The following ZC3H12B variants were observed in gnomAD, a reference collection of about 807,000 sequenced individuals.
ZC3H12B encodes the protein zinc finger CCCH-type containing 12B.
ZC3H12B carries 7 observed loss-of-function variants against 43.9 expected under a neutral mutation model. The ratio of observed to expected loss-of-function variants is 0.16; its 90% CI spans 0.09 to 0.30. The LOEUF is 0.30. Among genes scored for constraint, ZC3H12B ranks in the 10% least tolerant of loss-of-function variants. The pLI is 1.00. For synonymous variants in ZC3H12B, 222 were observed against 241.7 expected, an observed-to-expected ratio of 0.92 and a Z score of 0.76; for missense variants, 475 against 670.2, an observed-to-expected ratio of 0.71 and a Z score of 3.22.
the ZC3H12B span, among the ~76,000 whole-genome samples, chrX:65,258,205 A>T: frequency 4.5e-5 from 5 of 111,778 alleles, no homozygotes; most frequent in Non-Finnish European, 9.4e-5. Context: ...AGCACATCAA[A>T]AAGCTAATCC....
chrX:65,221,283 G>A, the ZC3H12B span, among the ~76,000 whole-genome samples: 2 of 111,508 alleles, frequency 1.8e-5, no homozygotes, highest in East Asian at 2.8e-4. Flanking sequence ...CTCAGGTCAC[G>A]TTTCAAGGAG....
chrX:65,162,699 G>A, the ZC3H12B span, among the ~76,000 whole-genome samples: 1 of 111,515 alleles, frequency 9.0e-6, no homozygotes, highest in African/African-American at 3.3e-5. Flanking sequence ...TAACTTCTTT[G>A]CCTTTGGTTT....
chrX:65,213,198 A>T, the ZC3H12B span, among the ~76,000 whole-genome samples: 1 of 110,052 alleles, frequency 9.1e-6, no homozygotes, highest in Non-Finnish European at 1.9e-5. Context: ...TCAGCACTTA[A>T]AAAAATCTAT....
chrX:65,171,970 C>T, the ZC3H12B span, among the ~76,000 whole-genome samples: 1 of 112,302 alleles, frequency 8.9e-6, no homozygotes, highest in African/African-American at 3.2e-5. Flanking sequence ...AAAGGGAATT[C>T]CCCGACCCCT....
the ZC3H12B span, among the ~76,000 whole-genome samples, chrX:65,176,744 C>A: frequency 1.8e-5 from 2 of 111,716 alleles, no homozygotes; most frequent in African/African-American, 6.5e-5. Context: ...GGTCAAATCC[C>A]TGAACAGACC....
chrX:65,345,730 G>A, the ZC3H12B span, among the ~76,000 whole-genome samples: 1 of 111,520 alleles, frequency 9.0e-6, no homozygotes, highest in Non-Finnish European at 1.9e-5. Context: ...AAAAAAGAAA[G>A]ACTCCACCAA....
chrX:65,225,936 G>T, the ZC3H12B span, among the ~76,000 whole-genome samples: 61 of 112,195 alleles, frequency 5.4e-4, no homozygotes, highest in African/African-American at 1.9e-3. Context: ...ATGGAACCAA[G>T]TTGGAAAACA....
Position 65,394,130 on chromosome X carries a change from A to T in ZC3H12B, n.296-4463A>T, listed in dbSNP as rs367804783. Among the ~76,000 whole-genome samples the T allele has an allele frequency of 8.6e-4, 96 of 111,430 alleles. 1 individual carries two copies. Among genetic ancestry groups the T allele is most frequent in the East Asian group, 4.8e-3 (17 of 3,562 alleles). On this transcript the variant is annotated intron_variant and non_coding_transcript_variant, in intron 2 of 5. Coordinates refer to the ZC3H12B transcript ENST00000617377. ...TTTGTCAGATTGATAGATTGCAAAA[A>T]TTTTCTCCCATTCTGTAGGTTGCCT...
At chrX:65,363,265 G>A (rs183320374), upstream of ZC3H12B, among the ~76,000 whole-genome samples, 9 of 110,692 alleles carry the variant, frequency 8.1e-5, no homozygotes, top group Non-Finnish European at 5.7e-5. Flanking sequence ...AGGATATCGG[G>A]TATCCCCCTC....
intron 3 of ZC3H12B, among the ~76,000 whole-genome samples, chrX:65,459,692 T>C (rs187273171): frequency 8.9e-6 from 1 of 111,801 alleles, no homozygotes; most frequent in Non-Finnish European, 1.9e-5. Context: ...AAATTAGGTA[T>C]TGATGGGACT....
chrX:65,470,210 GA>G, intron 3 of ZC3H12B: 1 of 123,867 alleles, frequency 8.1e-6, no homozygotes, highest in Non-Finnish European at 1.9e-5. Flanking sequence ...CTAGAGTGGA[GA>G]AAAAGGAGGT....
At chrX:65,375,187 G>C (rs1326844363) in intron 2 of ZC3H12B, among the ~76,000 whole-genome samples, 1 of 111,762 alleles carries the variant, frequency 8.9e-6, no homozygotes, top group Non-Finnish European at 1.9e-5. Flanking sequence ...TTTGAGTTTT[G>C]CTGCCCTGTC....
the ZC3H12B span, among the ~76,000 whole-genome samples, chrX:65,108,907 A>G: frequency 9.0e-6 from 1 of 111,306 alleles, no homozygotes; most frequent in African/African-American, 3.3e-5. Context: ...GCTCTATCAT[A>G]ATTTTATGGG....
chrX:65,447,397 T>C (rs1447287700), intron 3 of ZC3H12B, among the ~76,000 whole-genome samples: 1 of 111,456 alleles, frequency 9.0e-6, no homozygotes, highest in Non-Finnish European at 1.9e-5. Context: ...TGTAGAAGAA[T>C]GAAACCAGAT....
chrX:65,241,789 T>TA, the ZC3H12B span, among the ~76,000 whole-genome samples: 1 of 111,765 alleles, frequency 8.9e-6, no homozygotes, highest in Non-Finnish European at 1.9e-5. Context: ...ACTTGTGAGG[T>TA]ACCATGGAGG....
chrX:65,441,268 C>T (rs1237076780), intron 3 of ZC3H12B, among the ~76,000 whole-genome samples: 2 of 112,033 alleles, frequency 1.8e-5, no homozygotes, highest in Non-Finnish European at 3.8e-5. Context: ...AATATAACTA[C>T]TTTGATATGC....
At chrX:65,051,148 T>C in the ZC3H12B span, among the ~76,000 whole-genome samples, 9 of 111,883 alleles carry the variant, frequency 8.0e-5, no homozygotes, top group Non-Finnish European at 1.5e-4. Flanking sequence ...GGACAAATAG[T>C]TGGTTATATT....
intron 3 of ZC3H12B, among the ~76,000 whole-genome samples, chrX:65,450,381 TTA>T (rs1305684646): frequency 1.1e-4 from 9 of 79,025 alleles, no homozygotes. Flanking sequence ...ATATATATAT[TTA>T]TATGTGTATA....
the ZC3H12B span, among the ~76,000 whole-genome samples, chrX:65,228,576 A>T: frequency 9.0e-6 from 1 of 111,308 alleles, no homozygotes; most frequent in Admixed American, 9.6e-5. Context: ...TTCAATTAGG[A>T]AAAGAGGAAG....
Sources: gnomAD v4.1 joint callset for allele counts (sites outside exome capture counted in the v4.1 genomes callset) on GRCh38, gnomAD v4.1.1 for gene constraint, MANE v1.5 for transcripts, NCBI Gene and HGNC (gene_info 2026-07-23, HGNC 2026-07-21) for gene names.